The following DNAAF10 variants were observed in gnomAD, a reference collection of about 807,000 sequenced individuals.
The protein encoded by DNAAF10 is dynein axonemal assembly factor 10, also known as WD repeat domain 92.
Under a neutral mutation model 43.7 loss-of-function variants are expected in DNAAF10, and 28 were observed. The ratio of observed to expected loss-of-function variants is 0.64; its 90% CI spans 0.48 to 0.88. DNAAF10 has a LOEUF of 0.88. Among genes scored for constraint, DNAAF10 ranks in the 40% least tolerant of loss-of-function variants. DNAAF10 has a pLI of 0.00. For synonymous variants in DNAAF10, 156 were observed against 157.3 expected (o/e 0.99, Z 0.06); for missense variants, 403 against 439.1 (o/e 0.92, Z 0.73).
At chr2:68,134,612 G>A (rs1033315958) in intron 7 of DNAAF10, 90 bp downstream of exon 7, 3 of 1,563,122 alleles carry the variant, frequency 1.9e-6, no homozygotes, top group Non-Finnish European at 2.6e-6. Context: ...CTAAGTCAAA[G>A]CAGGAAAAAA....
At chr2:68,147,416 T>C in intron 2 of DNAAF10, 51 bp downstream of exon 2, 2 of 1,317,078 alleles carry the variant, frequency 1.5e-6, no homozygotes, top group South Asian at 2.5e-5. Context: ...AATGAAACTA[T>C]CAAATAAATT....
At chr2:68,154,434 G>A (rs899793533) in intron 1 of DNAAF10, among the ~76,000 whole-genome samples, 1 of 151,698 alleles carries the variant, frequency 6.6e-6, no homozygotes, top group Non-Finnish European at 1.5e-5. Flanking sequence ...TTTTAGTAGA[G>A]ACGGGGTTTC....
intron 5 of DNAAF10, among the ~76,000 whole-genome samples, chr2:68,138,317 T>C (rs1009476486): frequency 1.3e-5 from 2 of 152,168 alleles, no homozygotes; most frequent in African/African-American, 4.8e-5. Context: ...AACAGTTAAG[T>C]AAAGGCTAAC....
At chr2:68,133,314 C>T (rs536230362) in intron 7 of DNAAF10, among the ~76,000 whole-genome samples, 271 of 152,192 alleles carry the variant, frequency 1.8e-3, no homozygotes, top group Middle Eastern at 3.4e-3. Flanking sequence ...GCGATCTCGA[C>T]TCACTGAGAC....
intron 6 of DNAAF10, among the ~76,000 whole-genome samples, chr2:68,136,718 T>C (rs1463083462): frequency 6.6e-6 from 1 of 152,242 alleles, no homozygotes; most frequent in Non-Finnish European, 1.5e-5. Flanking sequence ...TATCTTTTTT[T>C]TAAACCAGTA....
intron 1 of DNAAF10, among the ~76,000 whole-genome samples, chr2:68,153,902 C>T (rs982634998): frequency 6.6e-6 from 1 of 151,576 alleles, no homozygotes; most frequent in Non-Finnish European, 1.5e-5. Flanking sequence ...CAGGCACGCA[C>T]CTGACCACGC....
Position 68,157,485 on chromosome 2 carries a change from C to G in DNAAF10, c.-42G>C, listed in dbSNP as rs1446998877. 2 of 1,613,942 alleles carry G rather than the reference C, an allele frequency of 1.2e-6. No homozygotes were observed. Among genetic ancestry groups the G allele is most frequent in the Non-Finnish European group, 8.5e-7 (1 of 1,179,850 alleles). On this transcript the variant is annotated 5_prime_UTR_variant, in exon 1 of 8. Coordinates refer to ENST00000295121, the MANE Select transcript of DNAAF10 (RefSeq NM_138458.4). The stretch of plus-strand genomic sequence containing the variant: ...GCTACGGCAACCGCCACACCCAGAG[C>G]CCCCAAAAACGGCAACCTGGAAACC...
At position 68,129,961 on chromosome 2, in the gene DNAAF10, C is replaced by G. The variant is rs1191413139; in HGVS notation, c.*1277G>C. The G allele has an allele frequency of 6.6e-6, 1 of 151,926 alleles. No homozygotes were observed. Among genetic ancestry groups the G allele is most frequent in the Non-Finnish European group, 1.5e-5 (1 of 67,970 alleles). The allele number at this position is 151,926 out of a possible 1,614,324, so 9.4% of individuals were successfully genotyped here. ...TACAATCTTGTACATTTCACCATCA[C>G]TTACCACAGTCAAAAACCAAAAGTC... On this transcript the variant is annotated 3_prime_UTR_variant, in exon 8 of 8. Coordinates refer to ENST00000295121, the MANE Select transcript of DNAAF10 (RefSeq NM_138458.4).
At chr2:68,141,660 A>G in intron 4 of DNAAF10, 34 bp downstream of exon 4, 1 of 1,596,184 alleles carries the variant, frequency 6.3e-7, no homozygotes, top group Non-Finnish European at 8.6e-7. Flanking sequence ...TTACCATCTG[A>G]TAATTCAAAT....
At chr2:68,137,943 G>A (rs567454012) in intron 5 of DNAAF10, among the ~76,000 whole-genome samples, 3 of 150,092 alleles carry the variant, frequency 2.0e-5, no homozygotes, top group Non-Finnish European at 4.4e-5. Flanking sequence ...GGGAGGCCAA[G>A]GCAGGCAGAT....
intron 1 of DNAAF10, among the ~76,000 whole-genome samples, chr2:68,149,527 C>T (rs1323778249): frequency 6.6e-6 from 1 of 152,042 alleles, no homozygotes; most frequent in African/African-American, 2.4e-5. Context: ...CATTTTTTCC[C>T]AATTTTATGA....
Position 68,138,917 on chromosome 2 carries a change from T to TA in DNAAF10, c.518-61dup, listed in dbSNP as rs529387204. On this transcript the variant is annotated intron_variant, in intron 4 of 7. Transcript: ENST00000295121. ...AAATGCATCCTTATAAAGGCTGCTT[T>TA]AAAAAAGTCTTATGAAACTAACATA... The TA allele has an allele frequency of 5.7e-6, 7 of 1,221,790 alleles. No individual in the cohort carries two copies. The African/African-American group carries it at 6.0e-5, about 11-fold the overall frequency. The allele number at this position is 1,221,790 out of a possible 1,614,324, so 75.7% of individuals were successfully genotyped here.
At chr2:68,136,298 T>C (rs1281803387) in intron 6 of DNAAF10, among the ~76,000 whole-genome samples, 1 of 151,318 alleles carries the variant, frequency 6.6e-6, no homozygotes, top group Non-Finnish European at 1.5e-5. Flanking sequence ...TAATGAAATA[T>C]GTGTTGCAAA....
At chr2:68,143,161 A>G (rs1673234017) in intron 3 of DNAAF10, among the ~76,000 whole-genome samples, 1 of 151,674 alleles carries the variant, frequency 6.6e-6, no homozygotes, top group Non-Finnish European at 1.5e-5. Context: ...TGCACCCACC[A>G]AAAGCCTGTT....
rs761097058 is a variant in DNAAF10, at chr2:68,144,652, G to A, written c.348C>T (p.Ala116=). Residue 116 remains alanine (A), a synonymous_variant, in exon 3 of 8, where the codon GCC becomes GCT. Transcript: ENST00000295121. ...SVKGHKEIIN[A]IDGIGGLGIG... ...TTCCTAGTCCACCTATGCCATCTAT[G>A]GCATTTATAATTTCTTTATGGCCCT... 49 of 1,613,944 alleles carry A rather than the reference G, an allele frequency of 3.0e-5. No homozygotes were observed. The highest frequency in any genetic ancestry group is 4.1e-5 in the Non-Finnish European group (48 of 1,180,000).
chr2:68,140,822 C>T (rs952410793), intron 4 of DNAAF10, among the ~76,000 whole-genome samples: 3 of 151,726 alleles, frequency 2.0e-5, no homozygotes, highest in Non-Finnish European at 2.9e-5. Context: ...AACAATGGAT[C>T]GAAAATATTT....
chr2:68,137,571 A>T, intron 5 of DNAAF10, 138 bp from the exon 6 acceptor site: 1 of 997,516 alleles, frequency 1.0e-6, no homozygotes, highest in Non-Finnish European at 1.4e-6. Flanking sequence ...AACTTTTCCC[A>T]TAAAAATTTT....
chr2:68,143,963 G>T (rs995199929), intron 3 of DNAAF10, among the ~76,000 whole-genome samples: 5 of 152,006 alleles, frequency 3.3e-5, no homozygotes, highest in African/African-American at 1.2e-4. Context: ...GGTCTTGAGC[G>T]GCCATTAAAC....
intron 2 of DNAAF10, among the ~76,000 whole-genome samples, chr2:68,146,680 G>A (rs942691946): frequency 6.6e-6 from 1 of 152,200 alleles, no homozygotes; most frequent in East Asian, 1.9e-4. Flanking sequence ...GTTCCATTTT[G>A]TTTAATGTTA....
Sources: allele counts gnomAD v4.1 joint callset (sites outside exome capture counted in the v4.1 genomes callset), GRCh38; gene constraint gnomAD v4.1.1; transcripts MANE v1.5; gene names NCBI Gene and HGNC (gene_info 2026-07-23, HGNC 2026-07-21).